UGT1A8: variants seen among roughly 807,000 people sequenced by gnomAD.
UGT1A8 encodes UDP-glucuronosyltransferase 1A8.
A neutral mutation model predicts 45.3 loss-of-function variants in UGT1A8; 39 were observed. That is an observed-to-expected ratio of 0.86 (90% CI 0.67 to 1.12). UGT1A8 has a LOEUF of 1.12. UGT1A8 is among the 50% of genes most tolerant of loss of function. The pLI, the probability that UGT1A8 is intolerant of heterozygous loss-of-function variation, is 0.00. For missense variants in UGT1A8, 719 were observed against 664.9 expected (o/e 1.08, Z -0.90); for synonymous variants, 275 against 249.2 (o/e 1.10, Z -0.97).
chr2:233,645,352 T>C (rs1227534978), intron 1 of UGT1A8, among the ~76,000 whole-genome samples: 2 of 152,040 alleles, frequency 1.3e-5, no homozygotes, highest in Non-Finnish European at 2.9e-5. Context: ...TCCACCCTGG[T>C]CCCTCCCAAA....
intron 1 of UGT1A8, among the ~76,000 whole-genome samples, chr2:233,619,067 A>G (rs940450380): frequency 2.0e-5 from 3 of 152,324 alleles, no homozygotes; most frequent in African/African-American, 4.8e-5. Flanking sequence ...TCTGACCCCT[A>G]GAGGAAATGC....
In UGT1A8 at chr2:233,617,917, G is replaced by A. The variant is rs1370419018; in HGVS notation, c.210G>A (p.Leu70=). Residue 70 remains leucine, a synonymous_variant, in exon 1 of 5, where the codon CTG becomes CTA. Transcript: ENST00000373450. The part of the protein sequence containing the change: ...PEVSWQLGKS[L]NCTVKTYSTS... ...TGAGTTGGCAACTGGGAAAATCACT[G>A]AATTGCACAGTGAAGACTTACTCAA... 6.2e-6 allele frequency: 10 copies of A among 1,614,176 alleles called. No homozygotes were observed. The highest frequency in any genetic ancestry group is 8.5e-6 in the Non-Finnish European group (10 of 1,180,026).
intron 1 of UGT1A8, among the ~76,000 whole-genome samples, chr2:233,629,119 T>C (rs2073143492): frequency 6.6e-6 from 1 of 152,056 alleles, no homozygotes; most frequent in Non-Finnish European, 1.5e-5. Flanking sequence ...GAATACTCCA[T>C]TCCCCCCTCC....
chr2:233,766,296 C>G (rs1251598094), intron 1 of UGT1A8, among the ~76,000 whole-genome samples: 2 of 152,064 alleles, frequency 1.3e-5, no homozygotes, highest in Non-Finnish European at 2.9e-5. Context: ...GTGGCCTGGG[C>G]TCTCCTCCGA....
intron 1 of UGT1A8, chr2:233,648,060 G>C (rs2073646696): frequency 1.3e-6 from 2 of 1,576,038 alleles, no homozygotes; most frequent in Non-Finnish European, 1.7e-6. Context: ...GCACAGTGAA[G>C]ACTTCTTCAA....
At chr2:233,706,181 G>A (rs1050859033) in intron 1 of UGT1A8, among the ~76,000 whole-genome samples, 7 of 152,212 alleles carry the variant, frequency 4.6e-5, no homozygotes, top group African/African-American at 1.4e-4. Context: ...TGGTGTGTCT[G>A]CCCAGGCTGC....
At chr2:233,651,945 C>A (rs1817154) in intron 1 of UGT1A8, among the ~76,000 whole-genome samples, 115,656 of 152,034 alleles carry the variant, frequency 0.76, 44,099 homozygotes, top group Non-Finnish European at 0.8. Flanking sequence ...ATACTTTAAC[C>A]AAGATAGCAG....
intron 1 of UGT1A8, among the ~76,000 whole-genome samples, chr2:233,650,855 A>G (rs1175337505): frequency 6.6e-6 from 1 of 152,194 alleles, no homozygotes; most frequent in Non-Finnish European, 1.5e-5. Flanking sequence ...AGTTTTTCAT[A>G]ATATGAATTT....
At chr2:233,750,460 A>G (rs1694463339) in intron 1 of UGT1A8, among the ~76,000 whole-genome samples, 1 of 152,018 alleles carries the variant, frequency 6.6e-6, no homozygotes, top group South Asian at 2.1e-4. Flanking sequence ...CCAGCTACAG[A>G]AATACTGGCT....
intron 1 of UGT1A8, among the ~76,000 whole-genome samples, chr2:233,619,106 A>C (rs2125447042): frequency 6.6e-6 from 1 of 152,268 alleles, no homozygotes; most frequent in South Asian, 2.1e-4. Context: ...TATTCTTTTC[A>C]GTATAAAAAA....
chr2:233,695,117 AC>A (rs1286119595), intron 1 of UGT1A8, among the ~76,000 whole-genome samples: 2 of 117,164 alleles, frequency 1.7e-5, no homozygotes, highest in African/African-American at 6.7e-5. Context: ...CCATTAACCA[AC>A]CCTTTTCTTT....
intron 1 of UGT1A8, among the ~76,000 whole-genome samples, chr2:233,726,716 T>C (rs546308876): frequency 1.3e-5 from 2 of 152,344 alleles, no homozygotes; most frequent in East Asian, 3.9e-4. Flanking sequence ...TTTGAGGAAG[T>C]ACAATGTAGA....
chr2:233,638,873 C>T (rs1007234915), intron 1 of UGT1A8, among the ~76,000 whole-genome samples: 2 of 152,224 alleles, frequency 1.3e-5, no homozygotes, highest in African/African-American at 4.8e-5. Context: ...GCATGACTTT[C>T]AGCTCATGGC....
intron 1 of UGT1A8, among the ~76,000 whole-genome samples, chr2:233,653,110 C>G (rs2073779522): frequency 6.6e-6 from 1 of 152,150 alleles, no homozygotes. Context: ...CCCAAAAGAC[C>G]TGAAATTTCA....
Position 233,622,212 on chromosome 2 carries a change from G to A in UGT1A8, c.855+3650G>A, listed in dbSNP as rs576896373. Among the ~76,000 whole-genome samples the A allele has an allele frequency of 2.2e-3, 338 of 152,224 alleles. 3 individuals carry two copies. Among genetic ancestry groups the A allele is most frequent in the African/African-American group, 7.8e-3 (324 of 41,524 alleles). On this transcript the variant is annotated intron_variant, in intron 1 of 4. Coordinates refer to ENST00000373450, the MANE Select transcript of UGT1A8 (RefSeq NM_019076.5). The stretch of plus-strand genomic sequence containing the variant: ...ACATACGTGTGCATGTGTCTTTATA[G>A]TACCATGATTTATAATTCTTTGGGT...
At chr2:233,734,546 C>A (rs975748353) in intron 1 of UGT1A8, among the ~76,000 whole-genome samples, 4 of 151,914 alleles carry the variant, frequency 2.6e-5, no homozygotes, top group Non-Finnish European at 5.9e-5. Context: ...TATTTCTTCC[C>A]TTCTGCTAGC....
At position 233,769,882 on chromosome 2, in the gene UGT1A8, TC is replaced by T; in HGVS notation, c.1295+1445del. On this transcript the variant is annotated intron_variant, in intron 4 of 4. Transcript: ENST00000373450. This position sits in a 1 kb window ranked among gnomAD's most constrained non-coding sequence, Gnocchi z 4.4. The stretch of plus-strand genomic sequence containing the variant: ...CAAAAAAAAAAAAAAAAATGAAAAG[TC>T]CACATAACCTGAGCATCATGTGCCC... 1 of 408,610 alleles carries T rather than the reference TC, an allele frequency of 2.4e-6. No homozygotes were observed. Among genetic ancestry groups the T allele is most frequent in the Non-Finnish European group, 4.3e-6 (1 of 234,370 alleles). 25.3% of individuals were successfully genotyped at this position (408,610 alleles called of 1,614,324 possible).
At chr2:233,643,380 T>G (rs1239010414) in intron 1 of UGT1A8, among the ~76,000 whole-genome samples, 3 of 152,016 alleles carry the variant, frequency 2.0e-5, no homozygotes, top group African/African-American at 7.2e-5. Flanking sequence ...TGGTGTTCCC[T>G]TAAGGCCCAA....
intron 1 of UGT1A8, among the ~76,000 whole-genome samples, chr2:233,624,349 T>C (rs1387095185): frequency 6.6e-6 from 1 of 152,126 alleles, no homozygotes; most frequent in Non-Finnish European, 1.5e-5. Flanking sequence ...AATGTTCCTC[T>C]AGAATGTCAG....
Sources: gnomAD v4.1 joint callset for allele counts (sites outside exome capture counted in the v4.1 genomes callset) on GRCh38, gnomAD v4.1.1 for gene constraint, Gnocchi (gnomAD v3.1) non-coding constraint, MANE v1.5 for transcripts, NCBI Gene and HGNC (gene_info 2026-07-23, HGNC 2026-07-21) for gene names.